TENM3: variants seen among roughly 807,000 people sequenced by gnomAD.
TENM3 encodes the protein teneurin transmembrane protein 3, also known as teneurin-3.
In TENM3, 63 loss-of-function variants were observed where a neutral mutation model predicts 255.1. That is an observed-to-expected ratio of 0.25 (90% CI 0.20 to 0.30). TENM3 has a LOEUF of 0.30. Ranked by LOEUF, TENM3 falls within the 10% of genes least tolerant of loss-of-function variation. TENM3 has a pLI of 1.00. For synonymous variants in TENM3, 1,306 were observed against 1,322.3 expected (o/e 0.99, Z 0.27); for missense variants, 2,929 against 3,461.1 (o/e 0.85, Z 3.86).
the TENM3 span, among the ~76,000 whole-genome samples, chr4:181,660,591 T>C: frequency 0.18 from 27,186 of 152,148 alleles, 2,811 homozygotes; most frequent in Non-Finnish European, 0.23. Context: ...AATTTAGTCT[T>C]ATTAAAAAGA....
intron 13 of TENM3, 86 bp downstream of exon 13, chr4:182,714,319 A>C (rs76568028): frequency 4.7e-6 from 2 of 428,568 alleles, no homozygotes; most frequent in South Asian, 6.0e-5. Flanking sequence ...TGTTGCCAAA[A>C]AAAAAAAAAA....
At chr4:182,109,417 T>C in the TENM3 span, among the ~76,000 whole-genome samples, 5 of 151,552 alleles carry the variant, frequency 3.3e-5, no homozygotes, top group African/African-American at 4.8e-5. Flanking sequence ...ATGTGGAAAA[T>C]GTAGACAAAT....
At chr4:182,176,166 G>T (rs2149715348) in intron 1 of TENM3, among the ~76,000 whole-genome samples, 1 of 151,904 alleles carries the variant, frequency 6.6e-6, no homozygotes, top group Non-Finnish European at 1.5e-5. Context: ...TGAGTGTAGG[G>T]CCTCGTCTAT....
At chr4:181,807,026 C>A in the TENM3 span, among the ~76,000 whole-genome samples, 1 of 152,202 alleles carries the variant, frequency 6.6e-6, no homozygotes, top group African/African-American at 2.4e-5. Context: ...AAATGCTCCT[C>A]CTTCACCAGG....
the TENM3 span, among the ~76,000 whole-genome samples, chr4:182,095,194 G>A: frequency 9.2e-5 from 14 of 152,224 alleles, no homozygotes; most frequent in Admixed American, 3.3e-4. Flanking sequence ...CAAAAGAAAG[G>A]AAATCAGTGT....
chr4:182,449,237 C>CCGGAGCCGGTGGCTCCGCTT (rs758941265), intron 3 of TENM3, among the ~76,000 whole-genome samples: 8 of 149,488 alleles, frequency 5.4e-5, no homozygotes, highest in Admixed American at 2.7e-4. Flanking sequence ...CGGCTCCGCT[C>CCGGAGCCGGTGGCTCCGCTT]TTCTCCCTTG....
chr4:181,919,538 G>A, the TENM3 span, among the ~76,000 whole-genome samples: 1 of 151,974 alleles, frequency 6.6e-6, no homozygotes, highest in African/African-American at 2.4e-5. Context: ...GAGATTACTT[G>A]ATATTTTTAC....
At chr4:182,263,599 C>A (rs963292101) in intron 1 of TENM3, among the ~76,000 whole-genome samples, 1 of 152,146 alleles carries the variant, frequency 6.6e-6, no homozygotes, top group African/African-American at 2.4e-5. Flanking sequence ...AATTCCCCCC[C>A]CTACCTTCAC....
At chr4:182,723,940 G>C (rs13132297) in intron 13 of TENM3, among the ~76,000 whole-genome samples, 17,064 of 152,198 alleles carry the variant, frequency 0.11, 1,193 homozygotes, top group South Asian at 0.16. Context: ...CACTGTAAAA[G>C]ACCAGTGAAA....
At chr4:181,587,747 T>C in the TENM3 span, among the ~76,000 whole-genome samples, 1,361 of 152,320 alleles carry the variant, frequency 8.9e-3, 10 homozygotes, top group Middle Eastern at 0.037. Flanking sequence ...CTTGTTTCAA[T>C]TACATCAGTA....
At chr4:181,701,349 T>C in the TENM3 span, among the ~76,000 whole-genome samples, 1 of 152,206 alleles carries the variant, frequency 6.6e-6, no homozygotes, top group East Asian at 1.9e-4. Flanking sequence ...GGCAAACAGA[T>C]AAAAACATTG....
chr4:181,909,169 G>A, the TENM3 span, among the ~76,000 whole-genome samples: 1 of 152,076 alleles, frequency 6.6e-6, no homozygotes, highest in African/African-American at 2.4e-5. Context: ...ATTCCCACTT[G>A]TGTATCTTCA....
rs576630837 is a variant in TENM3 at position 182,641,930 on chromosome 4, A to G, written c.989-11841A>G. ...AATGAGATAGATCTATTGGATTTCA[A>G]TGGCAAAGCTGCAGGTAACTCACTA... is the stretch of plus-strand genomic sequence containing the variant. On this transcript the variant is annotated intron_variant, in intron 5 of 27. Coordinates refer to ENST00000511685, the MANE Select transcript of TENM3 (RefSeq NM_001080477.4). 5.9e-5 allele frequency among the ~76,000 whole-genome samples: 9 copies of G among 152,370 alleles called. 1 individual carries two copies. The South Asian group carries it at 1.2e-3, about 21-fold the overall frequency.
At chr4:182,693,540 C>T (rs1354513349) in intron 12 of TENM3, among the ~76,000 whole-genome samples, 3 of 151,992 alleles carry the variant, frequency 2.0e-5, no homozygotes, top group Middle Eastern at 3.2e-3. Flanking sequence ...GGTTTCACCG[C>T]GTTGGCCAGG....
the TENM3 span, among the ~76,000 whole-genome samples, chr4:181,773,187 A>C: frequency 3.9e-5 from 6 of 152,094 alleles, no homozygotes; most frequent in African/African-American, 1.4e-4. Flanking sequence ...GCCTTCCCTC[A>C]AAAACTCCGT....
the TENM3 span, among the ~76,000 whole-genome samples, chr4:181,610,754 G>T: frequency 6.6e-6 from 1 of 152,114 alleles, no homozygotes; most frequent in Admixed American, 6.5e-5. Flanking sequence ...AACACGGTAG[G>T]TACTCAGATG....
intron 3 of TENM3, among the ~76,000 whole-genome samples, chr4:182,362,017 G>T (rs1245820445): frequency 6.6e-6 from 1 of 152,194 alleles, no homozygotes; most frequent in Non-Finnish European, 1.5e-5. Flanking sequence ...CAGCAGCGGT[G>T]TCTGCAGAAC....
chr4:182,117,936 A>C, the TENM3 span, among the ~76,000 whole-genome samples: 2 of 152,134 alleles, frequency 1.3e-5, no homozygotes, highest in Non-Finnish European at 2.9e-5. Context: ...CTCTCCATTT[A>C]CATATTTCTT....
At chr4:182,459,821 G>T (rs1418177009) in intron 3 of TENM3, among the ~76,000 whole-genome samples, 1 of 152,072 alleles carries the variant, frequency 6.6e-6, no homozygotes, top group East Asian at 1.9e-4. Context: ...CAGGAGTTGG[G>T]CATCAGAATT....
Sources: gnomAD v4.1 joint callset for allele counts (sites outside exome capture counted in the v4.1 genomes callset) on GRCh38, gnomAD v4.1.1 for gene constraint, MANE v1.5 for transcripts, NCBI Gene and HGNC (gene_info 2026-07-23, HGNC 2026-07-21) for gene names.